Variants in GUF1 observed in about 807,000 individuals in gnomAD.
The protein encoded by GUF1 is GTP binding elongation factor GUF1.
A neutral mutation model predicts 82.4 loss-of-function variants in GUF1; 78 were observed. The ratio of observed to expected loss-of-function variants is 0.95; its 90% CI spans 0.79 to 1.14. The LOEUF is 1.14. Among genes scored for constraint, GUF1 ranks in the 50% most tolerant of loss-of-function variants. The pLI, the probability that GUF1 is intolerant of heterozygous loss-of-function variation, is 0.00. For synonymous variants in GUF1, 279 were observed against 282.3 expected (o/e 0.99, Z 0.12); for missense variants, 814 against 798.2 (o/e 1.02, Z -0.24).
Position 44,678,867 on chromosome 4 carries a change from T to C in GUF1, c.165+80T>C. 3.7e-6 allele frequency: 5 copies of C among 1,366,206 alleles called. No homozygotes were observed. The East Asian group carries it at 8.3e-5, about 23-fold the overall frequency. The allele number at this position is 1,366,206 out of a possible 1,614,324, so 84.6% of individuals were successfully genotyped here. A position where few individuals can be genotyped will look rare whatever the true frequency, so the allele number is the denominator to read the frequency against. On this transcript the variant is annotated intron_variant, in intron 1 of 16. Transcript: ENST00000281543. ...ATGCGATCTTGGACATGTATAGGGC[T>C]TTCTGGGACTAGCTCTGAACCCTGC...
intron 16 of GUF1, among the ~76,000 whole-genome samples, chr4:44,697,790 T>TA (rs986800824): frequency 3.9e-5 from 6 of 152,180 alleles, no homozygotes; most frequent in African/African-American, 1.2e-4. Context: ...GGCTTTATCT[T>TA]ACAGTTGAAG....
chr4:44,689,989 A>G lies in GUF1; in HGVS notation c.1335+14A>G, dbSNP rs369400164. 10 of 1,555,738 alleles carry G rather than the reference A, an allele frequency of 6.4e-6. No individual in the cohort carries two copies. The African/African-American group carries it at 1.4e-4, about 21-fold the overall frequency. ...AAATTGATAAAGGTACTTGGTATTT[A>G]GTACTGGTATTTAGTACTGTTTTGC... On this transcript the variant is annotated intron_variant, in intron 11 of 16. Transcript: ENST00000281543.
chr4:44,683,330 T>A lies in GUF1; in HGVS notation c.669+12T>A. 1 of 1,450,050 alleles carries A rather than the reference T, an allele frequency of 6.9e-7. No homozygotes were observed. The highest frequency in any genetic ancestry group is 1.5e-5 in the African/African-American group (1 of 68,488). 89.8% of individuals were successfully genotyped at this position (1,450,050 alleles called of 1,614,324 possible). ...ATGAATGTATTAAGGTAAAATACGT[T>A]CCTAAAAAGATTATACTTTGAAAAA... is the stretch of plus-strand genomic sequence containing the variant. On this transcript the variant is annotated intron_variant, in intron 6 of 16. Coordinates refer to ENST00000281543, the MANE Select transcript of GUF1 (RefSeq NM_021927.3).
chr4:44,691,523 C>A (rs1244574008), intron 12 of GUF1, 143 bp from the exon 13 acceptor site: 2 of 589,264 alleles, frequency 3.4e-6, no homozygotes, highest in African/African-American at 2.0e-5. Context: ...TGGTAGCAAG[C>A]CTAATGCAAT....
rs1249062280 is a variant in GUF1 at position 44,698,708 on chromosome 4, T to G, written c.*27T>G. 4.5e-6 allele frequency: 7 copies of G among 1,569,952 alleles called. No homozygotes were observed. Among genetic ancestry groups the G allele is most frequent in the Non-Finnish European group, 6.0e-6 (7 of 1,160,258 alleles). ...TGGTGGGAAAACAAAGAATTTTCAT[T>G]GCAATTTGTAATATGCTGACAACAG... On this transcript the variant is annotated 3_prime_UTR_variant, in exon 17 of 17. Transcript: ENST00000281543.
chr4:44,696,353 ACTT>A (rs1443565382), intron 15 of GUF1, among the ~76,000 whole-genome samples: 8 of 152,282 alleles, frequency 5.3e-5, no homozygotes, highest in African/African-American at 1.9e-4. Context: ...GATCCCAACT[ACTT>A]GGGAGGCTGG....
intron 1 of GUF1, among the ~76,000 whole-genome samples, chr4:44,679,020 A>G (rs967264771): frequency 3.3e-5 from 5 of 152,064 alleles, no homozygotes; most frequent in African/African-American, 1.2e-4. Flanking sequence ...TTCAATGTCA[A>G]ATGTTGATTT....
In GUF1 at chr4:44,680,681, T is replaced by C; in HGVS notation, c.278-13T>C. On this transcript the variant is annotated splice_polypyrimidine_tract_variant and intron_variant, in intron 2 of 16. Coordinates refer to ENST00000281543, the MANE Select transcript of GUF1 (RefSeq NM_021927.3). ...AAGCCCAGAGAAATATCAATAAGTG[T>C]TTCTGTTTATAGGGACAATTGATAA... is the stretch of plus-strand genomic sequence containing the variant. 3.2e-6 allele frequency: 5 copies of C among 1,549,340 alleles called. No homozygotes were observed. The highest frequency in any genetic ancestry group is 4.4e-6 in the Non-Finnish European group (5 of 1,142,538).
At position 44,698,088 on chromosome 4, in the gene GUF1, G is replaced by A. The variant is rs185463584; in HGVS notation, c.1873-456G>A. Among the ~76,000 whole-genome samples, 19 of 152,308 alleles carry A rather than the reference G, an allele frequency of 1.2e-4. No homozygotes were observed. In the East Asian group the frequency reaches 3.1e-3, roughly 25 times the overall value. On this transcript the variant is annotated intron_variant, in intron 16 of 16. Coordinates refer to ENST00000281543, the MANE Select transcript of GUF1 (RefSeq NM_021927.3). ...TTGAGCTCAGGAGGCGGAGGTTACA[G>A]TGAGCAGAGATCCTGCCATTGTACT...
At chr4:44,686,281 A>G (rs1248454313) in intron 7 of GUF1, among the ~76,000 whole-genome samples, 2 of 152,026 alleles carry the variant, frequency 1.3e-5, no homozygotes, top group Non-Finnish European at 2.9e-5. Context: ...ACCTCAGTAC[A>G]TTGGCAGTTA....
At position 44,692,523 on chromosome 4, in the gene GUF1, A is replaced by G. The variant is rs569517682; in HGVS notation, c.1613+724A>G. On this transcript the variant is annotated intron_variant, in intron 13 of 16. Transcript: ENST00000281543. ...CAGATGTGAAACATGGGGAAGCAGG[A>G]GGGGAAAAATGAACATTGACATCTA... Among the ~76,000 whole-genome samples the G allele has an allele frequency of 2.6e-5, 4 of 152,066 alleles. No homozygotes were observed. In the East Asian group the frequency reaches 7.7e-4, roughly 29 times the overall value.
chr4:44,688,432 TTATTA>T (rs1448386667), intron 9 of GUF1, among the ~76,000 whole-genome samples: 2 of 151,922 alleles, frequency 1.3e-5, no homozygotes, highest in African/African-American at 2.4e-5. Flanking sequence ...AGGGAGTTCA[TTATTA>T]TATTTGAAAC....
Position 44,688,180 on chromosome 4 carries a change from A to T in GUF1, c.1078+34A>T, listed in dbSNP as rs759410799. ...TTCACAAATTCAAAGGTTGAGGGCC[A>T]TGATATTTTTAAACTAAAAGTCTGT... On this transcript the variant is annotated intron_variant, in intron 9 of 16. Transcript: ENST00000281543. 3.2e-6 allele frequency: 5 copies of T among 1,569,512 alleles called. No individual in the cohort carries two copies. In the South Asian group the frequency reaches 4.7e-5, roughly 15 times the overall value.
At position 44,686,039 on chromosome 4, in the gene GUF1, T is replaced by G. The variant is rs752167400; in HGVS notation, c.734+16T>G. On this transcript the variant is annotated intron_variant, in intron 7 of 16. Transcript: ENST00000281543. ...GAATCCCCCCGTGAGTATTTGGTGA[T>G]TTTTGTACTAGTTGTCTCTATTTAA... is the stretch of plus-strand genomic sequence containing the variant. The G allele has an allele frequency of 6.5e-7, 1 of 1,546,710 alleles. No homozygotes were observed. Among genetic ancestry groups the G allele is most frequent in the South Asian group, 1.1e-5 (1 of 89,706 alleles).
chr4:44,682,105 A>C (rs1272585791), intron 4 of GUF1: 1 of 316,298 alleles, frequency 3.2e-6, no homozygotes, highest in African/African-American at 2.2e-5. Context: ...CTGTTGGCTC[A>C]CTCTACTTGA....
chr4:44,698,199 C>T (rs552042651), intron 16 of GUF1, among the ~76,000 whole-genome samples: 1 of 152,130 alleles, frequency 6.6e-6, no homozygotes, highest in African/African-American at 2.4e-5. Flanking sequence ...AATTCTTTCT[C>T]CAAAGGCACA....
intron 8 of GUF1, among the ~76,000 whole-genome samples, chr4:44,687,468 A>C (rs1170298488): frequency 1.3e-5 from 2 of 151,926 alleles, no homozygotes; most frequent in African/African-American, 4.8e-5. Context: ...AAGGTTCTTA[A>C]AGCTCATTCT....
Position 44,698,783 on chromosome 4 carries a change from A to G in GUF1, c.*102A>G. 9.8e-7 allele frequency: 1 copy of G among 1,024,856 alleles called. No homozygotes were observed. The highest frequency in any genetic ancestry group is 1.7e-5 in the South Asian group (1 of 59,596). The allele number at this position is 1,024,856 out of a possible 1,614,324, so 63.5% of individuals were successfully genotyped here. On this transcript the variant is annotated 3_prime_UTR_variant, in exon 17 of 17. Transcript: ENST00000281543. ...TTACTTTCAGGGTATTCAGGTTCAA[A>G]TAACCTACTAGTCTTTCGTTGAAAG... is the stretch of plus-strand genomic sequence containing the variant.
chr4:44,689,392 T>A lies in GUF1; in HGVS notation c.1185T>A (p.Ala395=). 6.2e-7 allele frequency: 1 copy of A among 1,606,160 alleles called. No homozygotes were observed. Among genetic ancestry groups the A allele is most frequent in the East Asian group, 2.2e-5 (1 of 44,502 alleles). ...SVTVHRDSSL[A]LGAGWRLGFL... ...CCGTTCATCGGGATAGTAGCCTTGC[T>A]CTGGGTGCTGGCTGGAGGTAAGATT... Residue 395 remains alanine, a synonymous_variant, in exon 10 of 17, where the codon GCT becomes GCA. Coordinates refer to ENST00000281543, the MANE Select transcript of GUF1 (RefSeq NM_021927.3).
Sources: allele counts gnomAD v4.1 joint callset (sites outside exome capture counted in the v4.1 genomes callset), GRCh38; gene constraint gnomAD v4.1.1; transcripts MANE v1.5; gene names NCBI Gene and HGNC (gene_info 2026-07-23, HGNC 2026-07-21).